KCNK13: variants seen among roughly 807,000 people sequenced by gnomAD.
The protein encoded by KCNK13 is potassium channel subfamily K member 13.
KCNK13 carries 12 observed loss-of-function variants against 23.4 expected under a neutral mutation model. That is an observed-to-expected ratio of 0.51 (90% CI 0.33 to 0.83). The LOEUF (loss-of-function observed/expected upper bound fraction) is 0.83. Among genes scored for constraint, KCNK13 ranks in the 40% least tolerant of loss-of-function variants. KCNK13 has a pLI of 0.02. For missense variants in KCNK13, 463 were observed against 556.3 expected (o/e 0.83, Z 1.69); for synonymous variants, 231 against 229.5 (o/e 1.01, Z -0.06).
At chr14:90,120,662 C>T (rs1335524388) in intron 1 of KCNK13, among the ~76,000 whole-genome samples, 2 of 152,186 alleles carry the variant, frequency 1.3e-5, no homozygotes, top group Non-Finnish European at 2.9e-5. Context: ...CACTGGGTCC[C>T]TCCCACGATC....
intron 1 of KCNK13, among the ~76,000 whole-genome samples, chr14:90,171,030 C>A (rs567664563): frequency 6.6e-6 from 1 of 152,190 alleles, no homozygotes; most frequent in East Asian, 1.9e-4. Flanking sequence ...CTTGACTTTT[C>A]CCTTTGGCTA....
intron 1 of KCNK13, among the ~76,000 whole-genome samples, chr14:90,075,567 C>T (rs1293969108): frequency 6.6e-6 from 1 of 152,190 alleles, no homozygotes; most frequent in Non-Finnish European, 1.5e-5. Flanking sequence ...CAATCTCCAC[C>T]TCCCAGTTTC....
chr14:90,102,501 C>T (rs764481270), intron 1 of KCNK13, among the ~76,000 whole-genome samples: 13 of 152,220 alleles, frequency 8.5e-5, no homozygotes, highest in Non-Finnish European at 1.8e-4. Flanking sequence ...ATCTCAATCC[C>T]TACCCTATGC....
intron 1 of KCNK13, among the ~76,000 whole-genome samples, chr14:90,115,860 T>C (rs182247743): frequency 9.2e-5 from 14 of 152,354 alleles, no homozygotes; most frequent in Non-Finnish European, 1.9e-4. Context: ...TTAAAAGCTC[T>C]TCAGGTGATT....
At chr14:90,146,589 T>A (rs1890076291) in intron 1 of KCNK13, among the ~76,000 whole-genome samples, 1 of 152,190 alleles carries the variant, frequency 6.6e-6, no homozygotes, top group Non-Finnish European at 1.5e-5. Flanking sequence ...GTACTAGGAT[T>A]ACAGGCATGA....
intron 1 of KCNK13, among the ~76,000 whole-genome samples, chr14:90,158,670 G>A (rs1890220749): frequency 6.6e-6 from 1 of 152,228 alleles, no homozygotes. Flanking sequence ...GTAGAGGAGG[G>A]AGAAGGTTCC....
intron 1 of KCNK13, among the ~76,000 whole-genome samples, chr14:90,091,240 G>T (rs538909261): frequency 6.6e-6 from 1 of 152,162 alleles, no homozygotes; most frequent in Non-Finnish European, 1.5e-5. Flanking sequence ...TCCTGATGGG[G>T]TGCATGGAGA....
chr14:90,137,272 A>G (rs1262180044), intron 1 of KCNK13, among the ~76,000 whole-genome samples: 2 of 151,644 alleles, frequency 1.3e-5, no homozygotes, highest in Admixed American at 6.6e-5. Flanking sequence ...GCCTTTGGCC[A>G]GTGTTTCTAC....
At chr14:90,129,583 G>A (rs1473967481) in intron 1 of KCNK13, among the ~76,000 whole-genome samples, 1 of 152,122 alleles carries the variant, frequency 6.6e-6, no homozygotes, top group Non-Finnish European at 1.5e-5. Context: ...TGTAGGGTGT[G>A]TGTGCCTGCT....
chr14:90,099,653 C>T (rs1889451265), intron 1 of KCNK13, among the ~76,000 whole-genome samples: 1 of 152,136 alleles, frequency 6.6e-6, no homozygotes, highest in African/African-American at 2.4e-5. Context: ...AGATGGAAGT[C>T]ATTGCAATTG....
intron 1 of KCNK13, among the ~76,000 whole-genome samples, chr14:90,063,627 G>A (rs1371320180): frequency 6.6e-6 from 1 of 152,168 alleles, no homozygotes; most frequent in East Asian, 1.9e-4. Context: ...TGCATGTGCT[G>A]AGCGCTCTGT....
chr14:90,160,945 T>A (rs1315500084), intron 1 of KCNK13, among the ~76,000 whole-genome samples: 1 of 152,180 alleles, frequency 6.6e-6, no homozygotes, highest in Non-Finnish European at 1.5e-5. Flanking sequence ...TATTCTTTTT[T>A]AATATGTACC....
chr14:90,113,633 T>C (rs1889640744), intron 1 of KCNK13, among the ~76,000 whole-genome samples: 1 of 152,138 alleles, frequency 6.6e-6, no homozygotes, highest in Non-Finnish European at 1.5e-5. Flanking sequence ...GATCTTAATA[T>C]TAGAAGAAAC....
chr14:90,079,041 T>C (rs1396799046), intron 1 of KCNK13, among the ~76,000 whole-genome samples: 1 of 152,186 alleles, frequency 6.6e-6, no homozygotes, highest in African/African-American at 2.4e-5. Context: ...ATGTAGGCAG[T>C]TCAGAGTTGC....
chr14:90,085,579 A>T (rs1351591902), intron 1 of KCNK13, among the ~76,000 whole-genome samples: 1 of 150,362 alleles, frequency 6.7e-6, no homozygotes, highest in Non-Finnish European at 1.5e-5. Context: ...GAATCATTTG[A>T]ACCCGGGAGG....
intron 1 of KCNK13, among the ~76,000 whole-genome samples, chr14:90,115,043 T>A (rs1016272589): frequency 2.6e-5 from 4 of 152,200 alleles, no homozygotes; most frequent in African/African-American, 7.2e-5. Context: ...TCCAAATCAC[T>A]TCTACCAACC....
intron 1 of KCNK13, among the ~76,000 whole-genome samples, chr14:90,183,306 G>T (rs1890508910): frequency 6.6e-6 from 1 of 152,112 alleles, no homozygotes; most frequent in Non-Finnish European, 1.5e-5. Context: ...AAGATGGGTA[G>T]ATCTTGAGCA....
chr14:90,074,711 ATTTT>A (rs1442723347), intron 1 of KCNK13, among the ~76,000 whole-genome samples: 16 of 152,100 alleles, frequency 1.1e-4, no homozygotes, highest in Middle Eastern at 3.2e-3. Flanking sequence ...ATGTTACTGA[ATTTT>A]GGACCTGGAG....
intron 1 of KCNK13, chr14:90,107,661 C>T (rs894172932): frequency 6.0e-5 from 41 of 680,844 alleles, no homozygotes; most frequent in East Asian, 3.9e-4. Flanking sequence ...CCAGGGGGAC[C>T]GCAGCCTGTC....
Sources: gnomAD v4.1 joint callset for allele counts (sites outside exome capture counted in the v4.1 genomes callset) on GRCh38, gnomAD v4.1.1 for gene constraint, MANE v1.5 for transcripts, NCBI Gene and HGNC (gene_info 2026-07-23, HGNC 2026-07-21) for gene names.